The following INSR variants were observed in gnomAD, a reference collection of about 807,000 sequenced individuals.
INSR encodes the protein insulin receptor, also known as IR.
In INSR, 67 loss-of-function variants were observed where a neutral mutation model predicts 142.6. That is an observed-to-expected ratio of 0.47 (90% CI 0.39 to 0.58). INSR has a LOEUF of 0.58. Among genes scored for constraint, INSR ranks in the 20% least tolerant of loss-of-function variants. The probability of loss-of-function intolerance (pLI) is 0.00; values close to 1 mark genes in which losing one functional copy is unlikely to be tolerated. For synonymous variants in INSR, 756 were observed against 743.1 expected, an observed-to-expected ratio of 1.02 and a Z score of -0.28; for missense variants, 1,248 against 1,833.2, an observed-to-expected ratio of 0.68 and a Z score of 5.83.
rs1279662148 is a variant in INSR at position 7,245,021 on chromosome 19, C to T, written c.652+22324G>A. On this transcript the variant is annotated intron_variant, in intron 2 of 21. Transcript: ENST00000302850. ...CATGATCTCGGCTCACTGCAAGCTC[C>T]GCCTCCCAAGTTCACGCCATTCTCC... Among the ~76,000 whole-genome samples the T allele has an allele frequency of 5.3e-5, 8 of 150,472 alleles. No homozygotes were observed. In the East Asian group the frequency reaches 1.4e-3, roughly 26 times the overall value.
Position 7,292,477 on chromosome 19 carries a change from G to GGT in INSR, c.100+1314_100+1315insAC, listed in dbSNP as rs981246318. Among the ~76,000 whole-genome samples the GGT allele has an allele frequency of 4.7e-5, 7 of 150,152 alleles. No homozygotes were observed. The East Asian group carries it at 8.1e-4, about 17-fold the overall frequency. On this transcript the variant is annotated intron_variant, in intron 1 of 21. Coordinates refer to ENST00000302850, the MANE Select transcript of INSR (RefSeq NM_000208.4). ...GGCACCTGGGGGCGGGGCTGGGGGG[G>GGT]GGTGGGCCCGGGGCTTTTAGACATT...
chr19:7,143,715 A>C (rs1311672529), intron 11 of INSR, among the ~76,000 whole-genome samples: 1 of 152,188 alleles, frequency 6.6e-6, no homozygotes. Flanking sequence ...TAAACAACAA[A>C]GGTTGATAGC....
At chr19:7,158,218 G>C (rs1973651509) in intron 9 of INSR, among the ~76,000 whole-genome samples, 1 of 151,740 alleles carries the variant, frequency 6.6e-6, no homozygotes, top group Admixed American at 6.6e-5. Flanking sequence ...GAAGCATAAT[G>C]GGCCAGGCGC....
At chr19:7,162,937 C>G in intron 9 of INSR, 95 bp downstream of exon 9, 1 of 1,197,648 alleles carries the variant, frequency 8.3e-7, no homozygotes, top group Admixed American at 1.7e-5. Flanking sequence ...CACTGAGACA[C>G]AGGAAGAGAT....
At chr19:7,155,830 C>A (rs1347812843) in intron 9 of INSR, among the ~76,000 whole-genome samples, 1 of 151,430 alleles carries the variant, frequency 6.6e-6, no homozygotes, top group Non-Finnish European at 1.5e-5. Flanking sequence ...AGGAGGATTG[C>A]TTGAGCCTGG....
Position 7,116,955 on chromosome 19 carries a change from G to A in INSR, c.*101C>T, listed in dbSNP as rs961428351. ...TAGGAACGATCTCTGAACTCCATTGGACATGGTAGAGTCGTGAGAATCCTG... is the reference window on the plus strand; with the variant it reads ...TAGGAACGATCTCTGAACTCCATTGAACATGGTAGAGTCGTGAGAATCCTG... On this transcript the variant is annotated 3_prime_UTR_variant, in exon 22 of 22. Coordinates refer to ENST00000302850, the MANE Select transcript of INSR (RefSeq NM_000208.4). 8.6e-6 allele frequency: 8 copies of A among 928,214 alleles called. No individual in the cohort carries two copies. In the Admixed American group the frequency reaches 1.4e-4, roughly 16 times the overall value. 57.5% of individuals were successfully genotyped at this position (928,214 alleles called of 1,614,324 possible).
chr19:7,166,701 C>T lies in INSR; in HGVS notation c.1611-297G>A, dbSNP rs1005638505. On this transcript the variant is annotated intron_variant, in intron 7 of 21. Coordinates refer to ENST00000302850, the MANE Select transcript of INSR (RefSeq NM_000208.4). This position sits in a 1 kb window ranked among gnomAD's most constrained non-coding sequence, Gnocchi z 4.1. ...TTGGGAGGCCGAGAATGGCGGATCA[C>T]CAGAAGTCAGGAGTTCGAGACCAGC... Among the ~76,000 whole-genome samples the T allele has an allele frequency of 6.6e-6, 1 of 152,114 alleles. No individual in the cohort carries two copies. The highest frequency in any genetic ancestry group is 2.4e-5 in the African/African-American group (1 of 41,420).
chr19:7,273,483 G>A (rs1485814351), intron 1 of INSR, among the ~76,000 whole-genome samples: 1 of 151,730 alleles, frequency 6.6e-6, no homozygotes, highest in Non-Finnish European at 1.5e-5. Flanking sequence ...GAGGAAGAGG[G>A]TGCTAAGTGA....
intron 2 of INSR, among the ~76,000 whole-genome samples, chr19:7,265,823 A>C (rs1241370371): frequency 2.0e-5 from 3 of 152,160 alleles, no homozygotes; most frequent in Non-Finnish European, 4.4e-5. Flanking sequence ...AAAGTACAGA[A>C]GTGGCACACT....
chr19:7,253,433 T>A (rs925620678), intron 2 of INSR, among the ~76,000 whole-genome samples: 2 of 151,596 alleles, frequency 1.3e-5, no homozygotes, highest in African/African-American at 4.8e-5. Flanking sequence ...AGACGGGGTT[T>A]CACCACGTTG....
intron 9 of INSR, among the ~76,000 whole-genome samples, chr19:7,158,080 A>G (rs1036231696): frequency 2.1e-5 from 3 of 140,036 alleles, no homozygotes; most frequent in Admixed American, 2.1e-4. Flanking sequence ...TATTATTATT[A>G]TTATTATTAT....
intron 2 of INSR, among the ~76,000 whole-genome samples, chr19:7,244,998 T>C (rs940069956): frequency 2.7e-5 from 4 of 147,318 alleles, no homozygotes; most frequent in African/African-American, 5.0e-5. Flanking sequence ...TGCAGTGGCA[T>C]GATCTCGGCT....
chr19:7,177,047 C>CT (rs1161935434), intron 3 of INSR, among the ~76,000 whole-genome samples: 4 of 152,160 alleles, frequency 2.6e-5, no homozygotes, highest in African/African-American at 9.7e-5. Flanking sequence ...TTTTGCCAGC[C>CT]TGCAGCCTGA....
chr19:7,131,592 C>T (rs1038341723), intron 14 of INSR, among the ~76,000 whole-genome samples: 2 of 150,602 alleles, frequency 1.3e-5, no homozygotes, highest in East Asian at 2.0e-4. Flanking sequence ...GTGATCTGCC[C>T]GCCTCGGCCT....
At chr19:7,291,210 C>T (rs1033150184) in intron 1 of INSR, among the ~76,000 whole-genome samples, 4 of 152,178 alleles carry the variant, frequency 2.6e-5, no homozygotes, top group Admixed American at 6.6e-5. Context: ...GTGGGGGGTA[C>T]GGAGGCTCGG....
intron 2 of INSR, among the ~76,000 whole-genome samples, chr19:7,246,610 G>A (rs907873319): frequency 9.2e-5 from 14 of 152,190 alleles, no homozygotes; most frequent in African/African-American, 3.4e-4. Flanking sequence ...AAGCCATTAC[G>A]TTTCAGAGTA....
chr19:7,133,305 A>T (rs984198715), intron 13 of INSR, among the ~76,000 whole-genome samples: 3 of 152,128 alleles, frequency 2.0e-5, no homozygotes, highest in African/African-American at 7.2e-5. Context: ...GTGTACACGT[A>T]TGGGGTACAG....
intron 2 of INSR, among the ~76,000 whole-genome samples, chr19:7,245,243 G>A (rs910351793): frequency 6.6e-6 from 1 of 151,482 alleles, no homozygotes; most frequent in Non-Finnish European, 1.5e-5. Context: ...GCCCTCAATG[G>A]GTTTTATATG....
chr19:7,197,842 G>A (rs867301528), intron 2 of INSR, among the ~76,000 whole-genome samples: 2 of 121,978 alleles, frequency 1.6e-5, no homozygotes. Flanking sequence ...GAACGAGAGA[G>A]AGAGAGAGAG....
Sources: allele counts gnomAD v4.1 joint callset (sites outside exome capture counted in the v4.1 genomes callset), GRCh38; gene constraint gnomAD v4.1.1; non-coding constraint Gnocchi (gnomAD v3.1); transcripts MANE v1.5; gene names NCBI Gene and HGNC (gene_info 2026-07-23, HGNC 2026-07-21).